The following VTI1A variants were observed in gnomAD, a reference collection of about 807,000 sequenced individuals.
VTI1A encodes the protein vesicle transport through interaction with t-SNAREs homolog 1A.
A neutral mutation model predicts 34.9 loss-of-function variants in VTI1A; 22 were observed. That is an observed-to-expected ratio of 0.63 (90% confidence interval 0.45 to 0.90). VTI1A has a LOEUF of 0.90. Ranked by LOEUF, VTI1A falls within the 40% of genes least tolerant of loss-of-function variation. VTI1A has a pLI of 0.00. For missense variants in VTI1A, 268 were observed against 275.6 expected (o/e 0.97, Z 0.20); for synonymous variants, 87 against 97.3 (o/e 0.89, Z 0.62).
intron 5 of VTI1A, among the ~76,000 whole-genome samples, chr10:112,663,832 A>G (rs1273175146): frequency 6.6e-6 from 1 of 152,158 alleles, no homozygotes; most frequent in Non-Finnish European, 1.5e-5. Context: ...GTCATGTCCA[A>G]AATTCAGTGC....
chr10:112,486,865 C>T (rs1251146600), intron 3 of VTI1A, among the ~76,000 whole-genome samples: 1 of 151,556 alleles, frequency 6.6e-6, no homozygotes, highest in Non-Finnish European at 1.5e-5. Flanking sequence ...ACAGTAATTT[C>T]TGCATTTCCA....
chr10:112,787,698 C>CTTTTTTTT (rs34862909), intron 7 of VTI1A, among the ~76,000 whole-genome samples: 5 of 103,284 alleles, frequency 4.8e-5, no homozygotes, highest in Non-Finnish European at 5.7e-5. Context: ...TTTTTCTTTT[C>CTTTTTTTT]TTTTTTTTTT....
chr10:112,455,177 TCCC>T (rs141965969), intron 1 of VTI1A, among the ~76,000 whole-genome samples: 3 of 602 alleles, frequency 5.0e-3, no homozygotes, highest in African/African-American at 0.014. Flanking sequence ...CCTCCTCCCC[TCCC>T]CTCCTCCCCT....
chr10:112,745,010 A>G (rs1850843739), intron 7 of VTI1A, among the ~76,000 whole-genome samples: 1 of 152,228 alleles, frequency 6.6e-6, no homozygotes, highest in African/African-American at 2.4e-5. Context: ...AGAAAGTACA[A>G]TACATTTTTT....
chr10:112,617,588 T>C (rs1845553126), intron 5 of VTI1A, among the ~76,000 whole-genome samples: 1 of 152,100 alleles, frequency 6.6e-6, no homozygotes, highest in Non-Finnish European at 1.5e-5. Context: ...TGCTTTGTTA[T>C]TGGAAGTTAG....
chr10:112,519,929 T>C (rs569846535), intron 3 of VTI1A, among the ~76,000 whole-genome samples: 63 of 152,130 alleles, frequency 4.1e-4, no homozygotes, highest in African/African-American at 1.4e-3. Context: ...GCAGATGATA[T>C]AGAGAAACTA....
chr10:112,650,160 C>T (rs1846953642), intron 5 of VTI1A, among the ~76,000 whole-genome samples: 1 of 152,172 alleles, frequency 6.6e-6, no homozygotes, highest in Non-Finnish European at 1.5e-5. Flanking sequence ...ACACATTGTA[C>T]AGCTGTACAA....
chr10:112,713,363 TC>T (rs1465129860), intron 7 of VTI1A, among the ~76,000 whole-genome samples: 2 of 152,254 alleles, frequency 1.3e-5, no homozygotes, highest in African/African-American at 2.4e-5. Flanking sequence ...ACTGTCACCA[TC>T]TTAATTGTCA....
At chr10:112,518,657 A>ATG (rs1156887368) in intron 3 of VTI1A, among the ~76,000 whole-genome samples, 4 of 146,084 alleles carry the variant, frequency 2.7e-5, no homozygotes, top group Non-Finnish European at 4.5e-5. Flanking sequence ...ACGTGTATAT[A>ATG]TATATATATA....
intron 5 of VTI1A, among the ~76,000 whole-genome samples, chr10:112,583,122 A>G (rs1243460860): frequency 6.6e-6 from 1 of 152,204 alleles, no homozygotes; most frequent in Non-Finnish European, 1.5e-5. Context: ...CGATAAAAGG[A>G]TAAGCGATGA....
At chr10:112,523,308 C>T (rs1448196554) in intron 3 of VTI1A, among the ~76,000 whole-genome samples, 2 of 152,054 alleles carry the variant, frequency 1.3e-5, no homozygotes, top group South Asian at 2.1e-4. Context: ...AAGTAAAAAT[C>T]GAAAATCGCC....
At chr10:112,770,642 G>A (rs910731854) in intron 7 of VTI1A, among the ~76,000 whole-genome samples, 4 of 151,374 alleles carry the variant, frequency 2.6e-5, no homozygotes, top group South Asian at 2.1e-4. Flanking sequence ...TCCTGACCTC[G>A]TGATCCACCC....
At chr10:112,447,160 G>T (rs1846856643), upstream of VTI1A, 3 of 531,096 alleles carry the variant, frequency 5.6e-6, no homozygotes, top group South Asian at 2.7e-5. Flanking sequence ...CTTAAAGTCG[G>T]AGCGGAAAAT....
chr10:112,447,420 C>G lies in VTI1A; in HGVS notation c.47C>G (p.Thr16Ser). 1 of 1,613,734 alleles carries G rather than the reference C, an allele frequency of 6.2e-7. No homozygotes were observed. Among genetic ancestry groups the G allele is most frequent in the Non-Finnish European group, 8.5e-7 (1 of 1,179,998 alleles). ...TACGAGCAGGACTTCGCGGTGCTCA[C>G]TGCAGAGATCACCAGCAAGATTGCG... ...EGYEQDFAVLTAEITSKIARV... is the reference protein window; with the variant it reads ...EGYEQDFAVLSAEITSKIARV... The change falls in exon 1 of 8, where the codon ACT becomes AGT. Residue 16 changes from threonine to serine, a missense_variant. Physicochemically the swap from Thr to Ser is moderately conservative, Grantham distance 58. Transcript: ENST00000393077.
chr10:112,533,244 G>A (rs1056479733), intron 4 of VTI1A, among the ~76,000 whole-genome samples: 15 of 151,952 alleles, frequency 9.9e-5, no homozygotes, highest in Non-Finnish European at 1.8e-4. Context: ...CTATGAAGTC[G>A]TTCCCCTTTA....
intron 7 of VTI1A, among the ~76,000 whole-genome samples, chr10:112,735,042 G>A (rs1484243181): frequency 1.3e-5 from 2 of 152,100 alleles, no homozygotes; most frequent in South Asian, 2.1e-4. Flanking sequence ...AAGTAACAAG[G>A]ACTAACATTT....
chr10:112,687,410 T>G (rs1355500159), intron 7 of VTI1A, among the ~76,000 whole-genome samples: 1 of 151,418 alleles, frequency 6.6e-6, no homozygotes, highest in Non-Finnish European at 1.5e-5. Context: ...ATTTTTTGTA[T>G]TTTTAGTAGA....
At chr10:112,681,369 C>T (rs1457779640) in intron 7 of VTI1A, among the ~76,000 whole-genome samples, 1 of 152,194 alleles carries the variant, frequency 6.6e-6, no homozygotes, top group Non-Finnish European at 1.5e-5. Flanking sequence ...GCATGAACCA[C>T]TGTGCCCAGC....
intron 4 of VTI1A, among the ~76,000 whole-genome samples, chr10:112,536,327 T>G (rs1850611908): frequency 6.6e-6 from 1 of 152,208 alleles, no homozygotes; most frequent in Non-Finnish European, 1.5e-5. Flanking sequence ...TGCAGTTAAG[T>G]CCTTTGTTAA....
Sources: allele counts gnomAD v4.1 joint callset (sites outside exome capture counted in the v4.1 genomes callset), GRCh38; gene constraint gnomAD v4.1.1; transcripts MANE v1.5; gene names NCBI Gene and HGNC (gene_info 2026-07-23, HGNC 2026-07-21).